The following PRPF8 variants were observed in gnomAD, a reference collection of about 807,000 sequenced individuals.
The protein encoded by PRPF8 is pre-mRNA processing factor 8.
PRPF8 carries 64 observed loss-of-function variants against 285.9 expected under a neutral mutation model. The observed-to-expected ratio is 0.22, with a 90% CI of 0.18 to 0.28. The LOEUF is 0.28. PRPF8 is among the 10% of genes least tolerant of loss of function. The probability of loss-of-function intolerance (pLI) is 1.00; values close to 1 mark genes in which losing one functional copy is unlikely to be tolerated. For synonymous variants in PRPF8, 1,325 were observed against 1,118.2 expected (o/e 1.18, Z -3.69); for missense variants, 1,426 against 3,026.7 (o/e 0.47, Z 12.41).
chr17:1,674,035 T>G (rs375516818), intron 21 of PRPF8, 143 bp from the exon 22 acceptor site: 41 of 998,748 alleles, frequency 4.1e-5, no homozygotes, highest in South Asian at 3.5e-4. Context: ...TTTTATTTAT[T>G]TATTTTTTGA....
intron 34 of PRPF8, 36 bp from the exon 35 acceptor site, chr17:1,656,797 C>G (rs561708793): frequency 6.1e-5 from 94 of 1,551,802 alleles, no homozygotes; most frequent in Admixed American, 3.6e-4. Flanking sequence ...GAAATTTAGT[C>G]TCTACCCTCC....
Position 1,675,783 on chromosome 17 carries a change from G to T in PRPF8, c.2709C>A (p.Ser903Arg), listed in dbSNP as rs769818895. 6.2e-7 allele frequency: 1 copy of T among 1,614,190 alleles called. No homozygotes were observed. Among genetic ancestry groups the T allele is most frequent in the Admixed American group, 1.7e-5 (1 of 60,010 alleles). Reference protein sequence around the residue: ...EVGIEFMDLYSHLVPVYDVEP... With the variant: ...EVGIEFMDLYRHLVPVYDVEP... The stretch of plus-strand genomic sequence containing the variant: ...CAACATCATATACTGGAACGAGGTG[G>T]CTATACAGATCCATGAACTCAATGC... Residue 903 changes from serine to arginine, a missense_variant, in exon 19 of 43, where the codon AGC becomes AGA. Ser to Arg is a moderately radical substitution (Grantham distance 110, BLOSUM62 -1). Around this residue, in one of 34 missense-constraint regions of PRPF8, gnomAD observed 70 missense variants for 273.7 expected, o/e 0.26. Transcript: ENST00000304992. This position sits in a 1 kb window ranked among gnomAD's most constrained non-coding sequence, Gnocchi z 6.0.
chr17:1,676,750 C>T lies in PRPF8; in HGVS notation c.2182-39G>A, dbSNP rs769374890. On this transcript the variant is annotated intron_variant, in intron 15 of 42. Coordinates refer to ENST00000304992, the MANE Select transcript of PRPF8 (RefSeq NM_006445.4). This position sits in a 1 kb window ranked among gnomAD's most constrained non-coding sequence, Gnocchi z 6.3. ...AAGCACAATCAAGCCAGGATCCAGC[C>T]AGGCACTGTGGCACACATCTGTAGT... 6.8e-6 allele frequency: 11 copies of T among 1,606,928 alleles called. No homozygotes were observed. Among genetic ancestry groups the T allele is most frequent in the Non-Finnish European group, 2.6e-6 (3 of 1,176,020 alleles).
chr17:1,682,855 GA>G (rs548972816), intron 3 of PRPF8, among the ~76,000 whole-genome samples: 166 of 152,238 alleles, frequency 1.1e-3, no homozygotes, highest in African/African-American at 3.8e-3. Context: ...TAGAGCCACA[GA>G]AAAAACAGGA....
intron 24 of PRPF8, among the ~76,000 whole-genome samples, chr17:1,667,430 A>G (rs1012116660): frequency 2.0e-5 from 3 of 152,074 alleles, no homozygotes; most frequent in East Asian, 1.9e-4. Flanking sequence ...AAGGAAAATA[A>G]TATTTACTCA....
chr17:1,661,023 G>C lies in PRPF8; in HGVS notation c.4478C>G (p.Thr1493Ser), dbSNP rs1250202791. Reference sequence around the variant, plus strand: ...AAGCCCCTCCCAGGTAGGGAAGTAAGTGCCCTTAAAGAGTGTGTGTTCCAG... The same window carrying C: ...AAGCCCCTCCCAGGTAGGGAAGTAACTGCCCTTAAAGAGTGTGTGTTCCAG... ...GILEHTLFKG[T>S]YFPTWEGLFW... Residue 1493 changes from threonine to serine, a missense_variant, in exon 28 of 43, where the codon ACT becomes AGT. By Grantham distance (58) the Thr-to-Ser change is moderately conservative. Coordinates refer to ENST00000304992, the MANE Select transcript of PRPF8 (RefSeq NM_006445.4). The surrounding 1 kb of genome is among the most constrained non-coding windows in gnomAD (Gnocchi z 7.3). 6.2e-7 allele frequency: 1 copy of C among 1,614,158 alleles called. No individual in the cohort carries two copies. The highest frequency in any genetic ancestry group is 2.2e-5 in the East Asian group (1 of 44,886).
intron 24 of PRPF8, among the ~76,000 whole-genome samples, chr17:1,663,976 A>AT (rs1911816511): frequency 6.6e-6 from 1 of 152,190 alleles, no homozygotes; most frequent in African/African-American, 2.4e-5. Flanking sequence ...TATGTAACTA[A>AT]TAACAGAATT....
chr17:1,656,841 A>G, intron 34 of PRPF8, 80 bp from the exon 35 acceptor site: 1 of 1,247,942 alleles, frequency 8.0e-7, no homozygotes, highest in South Asian at 1.3e-5. Flanking sequence ...CTAGTTTTGA[A>G]ATAATCCAAC....
At chr17:1,674,076 G>A (rs915460875) in intron 21 of PRPF8, among the ~76,000 whole-genome samples, 184 bp from the exon 22 acceptor site, 3 of 151,894 alleles carry the variant, frequency 2.0e-5, no homozygotes, top group African/African-American at 4.8e-5. Context: ...AGGCTGGAGC[G>A]CAGCGGCGCA....
At position 1,653,905 on chromosome 17, in the gene PRPF8, G is replaced by C; in HGVS notation, c.6099C>G (p.Thr2033=). 1 of 1,614,112 alleles carries C rather than the reference G, an allele frequency of 6.2e-7. No homozygotes were observed. The highest frequency in any genetic ancestry group is 8.5e-7 in the Non-Finnish European group (1 of 1,180,028). Residue 2033 remains threonine, a synonymous_variant, in exon 38 of 43, where the codon ACC becomes ACG. Coordinates refer to ENST00000304992, the MANE Select transcript of PRPF8 (RefSeq NM_006445.4). This position sits in a 1 kb window ranked among gnomAD's most constrained non-coding sequence, Gnocchi z 4.9. ...TTGCCGTCAGCTGCGATTGTTCCTTGGTCTGCTTCTCGATCTCAGCGATCT... is the reference window on the plus strand; with the variant it reads ...TTGCCGTCAGCTGCGATTGTTCCTTCGTCTGCTTCTCGATCTCAGCGATCT... The part of the protein sequence containing the change: ...RQQIAEIEKQ[T]KEQSQLTATQ...
intron 24 of PRPF8, 180 bp downstream of exon 24, chr17:1,672,901 T>TTG: frequency 1.5e-6 from 1 of 666,608 alleles, no homozygotes; most frequent in African/African-American, 1.8e-5. Context: ...CAAGGAACGC[T>TTG]CAGAAAATAA....
rs1912427544 is a variant in PRPF8 at position 1,673,301 on chromosome 17, C to G, written c.3657+56G>C. On this transcript the variant is annotated intron_variant, in intron 23 of 42. Transcript: ENST00000304992. This position sits in a 1 kb window ranked among gnomAD's most constrained non-coding sequence, Gnocchi z 5.5. The stretch of plus-strand genomic sequence containing the variant: ...TTTCCACCCAACAAGACTCCGGTGA[C>G]TGACCCAGGAAGTGCAGGCGCGTTC... 1 of 1,609,226 alleles carries G rather than the reference C, an allele frequency of 6.2e-7. No homozygotes were observed. Among genetic ancestry groups the G allele is most frequent in the Admixed American group, 1.7e-5 (1 of 59,878 alleles).
chr17:1,671,942 G>A (rs1332687268), intron 24 of PRPF8, among the ~76,000 whole-genome samples: 1 of 151,904 alleles, frequency 6.6e-6, no homozygotes, highest in African/African-American at 2.4e-5. Context: ...GCTGAGGTGT[G>A]AGGATCACTT....
rs370889253 is a variant in PRPF8 at position 1,679,428 on chromosome 17, C to T, written c.1290-18G>A. On this transcript the variant is annotated intron_variant, in intron 9 of 42. Transcript: ENST00000304992. This position sits in a 1 kb window ranked among gnomAD's most constrained non-coding sequence, Gnocchi z 4.7. ...CCCGATACCTGGAAAAATAAGCCCACCAGAGTTTGGCCATCTCTTCTTCCA... is the reference window on the plus strand; with the variant it reads ...CCCGATACCTGGAAAAATAAGCCCATCAGAGTTTGGCCATCTCTTCTTCCA... 6.2e-7 allele frequency: 1 copy of T among 1,612,240 alleles called. No homozygotes were observed. Among genetic ancestry groups the T allele is most frequent in the Non-Finnish European group, 8.5e-7 (1 of 1,180,014 alleles).
At chr17:1,668,059 C>T (rs993202030) in intron 24 of PRPF8, among the ~76,000 whole-genome samples, 1 of 152,254 alleles carries the variant, frequency 6.6e-6, no homozygotes, top group Non-Finnish European at 1.5e-5. Flanking sequence ...TGACCTAGGT[C>T]CTATCAGTAT....
chr17:1,670,901 A>C (rs769273336), intron 24 of PRPF8, among the ~76,000 whole-genome samples: 6 of 151,854 alleles, frequency 4.0e-5, no homozygotes, highest in Non-Finnish European at 7.4e-5. Flanking sequence ...TAACACAGAA[A>C]TTTGACAAAG....
At chr17:1,652,423 G>C (rs1242282780) in intron 39 of PRPF8, among the ~76,000 whole-genome samples, 1 of 152,124 alleles carries the variant, frequency 6.6e-6, no homozygotes, top group Non-Finnish European at 1.5e-5. Flanking sequence ...ATATTTAAGA[G>C]AGACGGGGTT....
chr17:1,658,907 G>T lies in PRPF8; in HGVS notation c.5139-144C>A, dbSNP rs1412667733. 3.9e-6 allele frequency: 3 copies of T among 778,554 alleles called. No individual in the cohort carries two copies. The highest frequency in any genetic ancestry group is 4.5e-6 in the Non-Finnish European group (2 of 445,638). The allele number at this position is 778,554 out of a possible 1,614,324, so 48.2% of individuals were successfully genotyped here. A position where few individuals can be genotyped will look rare whatever the true frequency, so the allele number is the denominator to read the frequency against. ...ATGTGTACATACAGGCTGGAGAAGA[G>T]AATCAGTGACCCATAGGAGGAATGG... is the stretch of plus-strand genomic sequence containing the variant. On this transcript the variant is annotated intron_variant, in intron 32 of 42. Transcript: ENST00000304992. The surrounding 1 kb of genome is among the most constrained non-coding windows in gnomAD (Gnocchi z 4.1).
chr17:1,655,861 C>T (rs968299203), intron 36 of PRPF8, among the ~76,000 whole-genome samples: 7 of 150,594 alleles, frequency 4.6e-5, no homozygotes, highest in Non-Finnish European at 5.9e-5. Context: ...CTCCTGACCT[C>T]GTGATCCGCC....
Sources: allele counts gnomAD v4.1 joint callset (sites outside exome capture counted in the v4.1 genomes callset), GRCh38; gene constraint gnomAD v4.1.1; regional missense constraint gnomAD v4.1.1; non-coding constraint Gnocchi (gnomAD v3.1); transcripts MANE v1.5; gene names NCBI Gene and HGNC (gene_info 2026-07-23, HGNC 2026-07-21).